The following GOLPH3 variants were observed in gnomAD, a reference collection of about 807,000 sequenced individuals.
GOLPH3 encodes coat protein GPP34.
GOLPH3 carries 14 observed loss-of-function variants against 28.5 expected under a neutral mutation model. That is an observed-to-expected ratio of 0.49 (90% CI 0.32 to 0.77). The LOEUF (loss-of-function observed/expected upper bound fraction) is 0.77, where lower values mean the gene tolerates loss of function less well. Among genes scored for constraint, GOLPH3 ranks in the 30% least tolerant of loss-of-function variants. GOLPH3 has a pLI of 0.03. For synonymous variants in GOLPH3, 158 were observed against 159.2 expected (o/e 0.99, Z 0.06); for missense variants, 350 against 393.7 (o/e 0.89, Z 0.94).
chr5:32,173,716 G>A (rs1215887844), intron 1 of GOLPH3, 94 bp downstream of exon 1: 6 of 894,756 alleles, frequency 6.7e-6, no homozygotes, highest in Non-Finnish European at 8.8e-6. Flanking sequence ...TGCGCGGGCC[G>A]GAAGCCTCGG....
intron 1 of GOLPH3, among the ~76,000 whole-genome samples, chr5:32,156,588 A>C (rs1746433435): frequency 6.6e-6 from 1 of 151,968 alleles, no homozygotes; most frequent in African/African-American, 2.4e-5. Context: ...TGGTTTCAGG[A>C]AAGACAATTT....
At chr5:32,161,072 A>AG (rs1349196546) in intron 1 of GOLPH3, among the ~76,000 whole-genome samples, 1 of 147,464 alleles carries the variant, frequency 6.8e-6, no homozygotes, top group Non-Finnish European at 1.5e-5. Context: ...GTCTCAAAAA[A>AG]AAAAAAAAAA....
chr5:32,143,515 A>C (rs1746128631), intron 2 of GOLPH3, among the ~76,000 whole-genome samples: 1 of 152,106 alleles, frequency 6.6e-6, no homozygotes, highest in African/African-American at 2.4e-5. Context: ...TGAAGTCTAG[A>C]ATCTTTCTGA....
chr5:32,156,741 T>C (rs967730031), intron 1 of GOLPH3, among the ~76,000 whole-genome samples: 1 of 152,186 alleles, frequency 6.6e-6, no homozygotes, highest in Admixed American at 6.5e-5. Flanking sequence ...ACAGGGTTCA[T>C]ACTCCTATGA....
chr5:32,138,153 C>T (rs910539945), intron 2 of GOLPH3, among the ~76,000 whole-genome samples: 5 of 152,106 alleles, frequency 3.3e-5, no homozygotes, highest in Non-Finnish European at 7.4e-5. Flanking sequence ...CTGTCCACCT[C>T]GGCCTCCCAA....
chr5:32,148,906 C>A (rs1416490751), intron 1 of GOLPH3, among the ~76,000 whole-genome samples: 1 of 152,112 alleles, frequency 6.6e-6, no homozygotes, highest in East Asian at 1.9e-4. Context: ...ACCTGGGAGG[C>A]AGAGGTTGCA....
intron 1 of GOLPH3, among the ~76,000 whole-genome samples, chr5:32,158,091 AAAAT>A (rs371590080): frequency 0.16 from 6,888 of 42,016 alleles, 650 homozygotes; most frequent in East Asian, 0.31. Context: ...ACTCTGTCTC[AAAAT>A]AAATAAATAA....
intron 1 of GOLPH3, among the ~76,000 whole-genome samples, chr5:32,165,784 G>C (rs775274475): frequency 2.0e-5 from 3 of 152,172 alleles, no homozygotes; most frequent in Non-Finnish European, 4.4e-5. Context: ...TAGAATCCTA[G>C]ATGTGTGGTA....
intron 1 of GOLPH3, among the ~76,000 whole-genome samples, chr5:32,164,599 T>C (rs1269547734): frequency 2.0e-5 from 3 of 151,978 alleles, no homozygotes; most frequent in African/African-American, 4.8e-5. Flanking sequence ...GCTTTCACCA[T>C]GTTAGCCAGG....
At chr5:32,127,327 C>A (rs1384448283) in intron 3 of GOLPH3, among the ~76,000 whole-genome samples, 1 of 152,114 alleles carries the variant, frequency 6.6e-6, no homozygotes, top group Non-Finnish European at 1.5e-5. Context: ...TTTTTTTGTG[C>A]TTTCTGCATT....
At chr5:32,151,360 C>T (rs1357437145) in intron 1 of GOLPH3, among the ~76,000 whole-genome samples, 2 of 151,892 alleles carry the variant, frequency 1.3e-5, no homozygotes, top group African/African-American at 4.8e-5. Context: ...GCTGTCTCTA[C>T]AAAAAATGTT....
chr5:32,172,690 G>A (rs1393485977), intron 1 of GOLPH3, among the ~76,000 whole-genome samples: 1 of 151,080 alleles, frequency 6.6e-6, no homozygotes, highest in African/African-American at 2.4e-5. Context: ...CTGAGGCTCC[G>A]TCTCAAAAAC....
intron 3 of GOLPH3, among the ~76,000 whole-genome samples, chr5:32,135,341 C>T (rs1038136123): frequency 1.3e-5 from 2 of 152,188 alleles, no homozygotes; most frequent in Non-Finnish European, 2.9e-5. Flanking sequence ...TGATAAAGAA[C>T]ATGGGAGCTC....
chr5:32,155,813 G>A (rs1219852454), intron 1 of GOLPH3, among the ~76,000 whole-genome samples: 2 of 151,386 alleles, frequency 1.3e-5, no homozygotes. Flanking sequence ...TAAAATTAGT[G>A]GGGCATGGTG....
At chr5:32,159,913 T>TA (rs1746538324) in intron 1 of GOLPH3, among the ~76,000 whole-genome samples, 2 of 152,208 alleles carry the variant, frequency 1.3e-5, no homozygotes, top group East Asian at 3.8e-4. Context: ...ATACTGTGGG[T>TA]AAGTATTTTA....
At chr5:32,126,681 C>T (rs559278366) in intron 3 of GOLPH3, 45 bp from the exon 4 acceptor site, 2 of 1,513,868 alleles carry the variant, frequency 1.3e-6, no homozygotes, top group Non-Finnish European at 1.8e-6. Flanking sequence ...GTATTATCTG[C>T]TAATTTTGCA....
intron 1 of GOLPH3, among the ~76,000 whole-genome samples, chr5:32,146,276 G>T (rs565832007): frequency 2.2e-5 from 3 of 138,126 alleles, no homozygotes; most frequent in South Asian, 2.3e-4. Flanking sequence ...GATGACAGGA[G>T]TAAGACCCTA....
intron 1 of GOLPH3, among the ~76,000 whole-genome samples, chr5:32,172,913 C>G (rs1746875625): frequency 6.6e-6 from 1 of 152,178 alleles, no homozygotes; most frequent in Non-Finnish European, 1.5e-5. Flanking sequence ...TACAGCAAAA[C>G]GTCATAGAAT....
rs1442668002 is a variant in GOLPH3 at position 32,125,113 on chromosome 5, C to T, written c.*1099G>A. On this transcript the variant is annotated 3_prime_UTR_variant, in exon 4 of 4. Coordinates refer to ENST00000265070, the MANE Select transcript of GOLPH3 (RefSeq NM_022130.4). ...AATTCTTAATCCTCTGGGTTGTAAT[C>T]ATTACTTGCTACCAATTTACATGCA... 1 of 152,620 alleles carries T rather than the reference C, an allele frequency of 6.6e-6. No homozygotes were observed. The highest frequency in any genetic ancestry group is 6.5e-5 in the Admixed American group (1 of 15,282). The allele number at this position is 152,620 out of a possible 1,614,324, so 9.5% of individuals were successfully genotyped here.
Sources: allele counts gnomAD v4.1 joint callset (sites outside exome capture counted in the v4.1 genomes callset), GRCh38; gene constraint gnomAD v4.1.1; transcripts MANE v1.5; gene names NCBI Gene and HGNC (gene_info 2026-07-23, HGNC 2026-07-21).